The following SLC9A7 variants were observed in gnomAD, a reference collection of about 807,000 sequenced individuals.
SLC9A7 encodes the protein solute carrier family 9 member A7.
In SLC9A7, 19 loss-of-function variants were observed where a neutral mutation model predicts 52.6. The observed-to-expected ratio is 0.36, with a 90% CI of 0.25 to 0.53. The LOEUF is 0.53. Ranked by LOEUF, SLC9A7 falls within the 20% of genes least tolerant of loss-of-function variation. The probability of loss-of-function intolerance (pLI) is 0.91; values close to 1 mark genes in which losing one functional copy is unlikely to be tolerated. For missense variants in SLC9A7, 455 were observed against 597.9 expected (o/e 0.76, Z 2.49); for synonymous variants, 226 against 252.1 (o/e 0.90, Z 0.98).
chrX:46,635,281 G>C (rs1943300486), intron 13 of SLC9A7, among the ~76,000 whole-genome samples: 1 of 111,160 alleles, frequency 9.0e-6, no homozygotes, highest in South Asian at 3.8e-4. Context: ...CTGAAAGTGA[G>C]CTGCTCTTAA....
chrX:46,675,543 T>C (rs773872374), intron 3 of SLC9A7, among the ~76,000 whole-genome samples: 18 of 112,260 alleles, frequency 1.6e-4, no homozygotes, highest in Non-Finnish European at 3.2e-4. Flanking sequence ...CTTGTTACAG[T>C]CTTTTGTTGT....
chrX:46,700,784 A>G (rs1359747409), intron 1 of SLC9A7, among the ~76,000 whole-genome samples: 1 of 112,169 alleles, frequency 8.9e-6, no homozygotes, highest in Non-Finnish European at 1.9e-5. Flanking sequence ...GACCATCAAC[A>G]ACATCCCTAT....
intron 1 of SLC9A7, among the ~76,000 whole-genome samples, chrX:46,735,312 A>G (rs1365422215): frequency 3.6e-5 from 4 of 111,081 alleles, no homozygotes; most frequent in Non-Finnish European, 7.6e-5. Flanking sequence ...AACTTTTTAA[A>G]TAGTTATCCT....
At chrX:46,694,526 A>G (rs1037202239) in intron 1 of SLC9A7, among the ~76,000 whole-genome samples, 1 of 111,782 alleles carries the variant, frequency 8.9e-6, no homozygotes, top group Non-Finnish European at 1.9e-5. Flanking sequence ...ATGCAGATTA[A>G]AACCATAATG....
intron 16 of SLC9A7, among the ~76,000 whole-genome samples, chrX:46,612,964 A>AAGAG (rs1307214398): frequency 3.2e-5 from 3 of 94,288 alleles, no homozygotes; most frequent in East Asian, 3.4e-4. Flanking sequence ...AAAAAAAAAA[A>AAGAG]AGAGAGAGAG....
At chrX:46,714,811 G>C (rs1466125515) in intron 1 of SLC9A7, among the ~76,000 whole-genome samples, 1 of 111,770 alleles carries the variant, frequency 8.9e-6, no homozygotes, top group East Asian at 2.8e-4. Flanking sequence ...CTAAAAATAA[G>C]GCAGGGAAAG....
intron 1 of SLC9A7, among the ~76,000 whole-genome samples, chrX:46,698,186 T>C (rs1025551678): frequency 8.9e-6 from 1 of 112,057 alleles, no homozygotes; most frequent in African/African-American, 3.2e-5. Flanking sequence ...TGATATTCTA[T>C]TACCTTGTAA....
At chrX:46,749,458 C>T (rs1001640859) in intron 1 of SLC9A7, among the ~76,000 whole-genome samples, 3 of 111,612 alleles carry the variant, frequency 2.7e-5, no homozygotes, top group Non-Finnish European at 5.7e-5. Flanking sequence ...ACAGACCCAA[C>T]CCTATCCGCC....
intron 1 of SLC9A7, among the ~76,000 whole-genome samples, chrX:46,705,733 G>C (rs1210441886): frequency 8.9e-6 from 1 of 112,188 alleles, no homozygotes; most frequent in Non-Finnish European, 1.9e-5. Context: ...CTACTCGGGA[G>C]ACCGAGGTAG....
chrX:46,759,072 G>A lies in SLC9A7; in HGVS notation c.-43C>T, dbSNP rs1922929538. 2.3e-6 allele frequency: 2 copies of A among 851,237 alleles called. No homozygotes were observed. The highest frequency in any genetic ancestry group is 6.2e-5 in the South Asian group (1 of 16,064). 70.2% of individuals were successfully genotyped at this position (851,237 alleles called of 1,213,427 possible). On this transcript the variant is annotated 5_prime_UTR_variant, in exon 1 of 17. Coordinates refer to ENST00000616978, the MANE Select transcript of SLC9A7 (RefSeq NM_001257291.2). Reference sequence around the variant, plus strand: ...CGCCTCCTCCGAGCGGGGACCAGCAGCCCGCGCCGTCGGCGGGTTCTGGCA... The same window carrying A: ...CGCCTCCTCCGAGCGGGGACCAGCAACCCGCGCCGTCGGCGGGTTCTGGCA...
At chrX:46,669,821 AAAC>A in intron 4 of SLC9A7, 102 bp from the exon 5 acceptor site, 1 of 382,305 alleles carries the variant, frequency 2.6e-6, no homozygotes, top group Non-Finnish European at 4.5e-6. Context: ...AGATTTATGA[AAAC>A]AACAGGCAGC....
At chrX:46,683,066 T>C (rs1037981131) in intron 1 of SLC9A7, among the ~76,000 whole-genome samples, 3 of 106,174 alleles carry the variant, frequency 2.8e-5, no homozygotes, top group Non-Finnish European at 5.8e-5. Context: ...TGGCTTCAGC[T>C]TCCCAAAGTG....
intron 14 of SLC9A7, among the ~76,000 whole-genome samples, chrX:46,622,146 C>A (rs1213998773): frequency 1.8e-5 from 2 of 111,777 alleles, no homozygotes; most frequent in Non-Finnish European, 3.8e-5. Flanking sequence ...AAAATTGAAT[C>A]CCCTCGGTAT....
At chrX:46,613,051 A>C (rs886577049) in intron 16 of SLC9A7, among the ~76,000 whole-genome samples, 5 of 108,457 alleles carry the variant, frequency 4.6e-5, no homozygotes, top group African/African-American at 1.7e-4. Context: ...TTCCAAATCC[A>C]GTGTTCTTCT....
intron 1 of SLC9A7, among the ~76,000 whole-genome samples, chrX:46,690,137 C>T (rs1328197852): frequency 2.7e-5 from 3 of 112,004 alleles, no homozygotes; most frequent in African/African-American, 9.8e-5. Context: ...TTTACAATAG[C>T]AAAGACTTGG....
At chrX:46,722,165 C>G (rs770833576) in intron 1 of SLC9A7, among the ~76,000 whole-genome samples, 4 of 110,894 alleles carry the variant, frequency 3.6e-5, no homozygotes, top group Non-Finnish European at 7.6e-5. Flanking sequence ...GCACGTTGCC[C>G]CCAAATACAA....
At chrX:46,676,632 T>C (rs1171174895) in intron 3 of SLC9A7, among the ~76,000 whole-genome samples, 2 of 112,023 alleles carry the variant, frequency 1.8e-5, no homozygotes, top group African/African-American at 6.5e-5. Flanking sequence ...TTAAGATTAG[T>C]TATGTAAAAT....
At chrX:46,724,525 T>G (rs1480740188) in intron 1 of SLC9A7, among the ~76,000 whole-genome samples, 4 of 112,352 alleles carry the variant, frequency 3.6e-5, no homozygotes, top group Non-Finnish European at 7.5e-5. Flanking sequence ...TTATTGAGTA[T>G]AAATAAATGT....
intron 15 of SLC9A7, among the ~76,000 whole-genome samples, chrX:46,620,701 A>G (rs747931673): frequency 8.9e-6 from 1 of 112,126 alleles, no homozygotes; most frequent in Admixed American, 9.5e-5. Context: ...CTAAAAAGGC[A>G]TAGTTCCCTG....
Sources: allele counts gnomAD v4.1 joint callset (sites outside exome capture counted in the v4.1 genomes callset), GRCh38; gene constraint gnomAD v4.1.1; transcripts MANE v1.5; gene names NCBI Gene and HGNC (gene_info 2026-07-23, HGNC 2026-07-21).